The following ZSWIM5 variants were observed in gnomAD, a reference collection of about 807,000 sequenced individuals.
ZSWIM5 encodes the protein zinc finger SWIM-type containing 5.
Under a neutral mutation model 119.6 loss-of-function variants are expected in ZSWIM5, and 55 were observed. That is an observed-to-expected ratio of 0.46 (90% CI 0.37 to 0.58). The LOEUF is 0.58. Among genes scored for constraint, ZSWIM5 ranks in the 20% least tolerant of loss-of-function variants. ZSWIM5 has a pLI of 0.00. For synonymous variants in ZSWIM5, 537 were observed against 606.9 expected (o/e 0.88, Z 1.69); for missense variants, 1,193 against 1,512.8 (o/e 0.79, Z 3.51).
intron 5 of ZSWIM5, 36 bp from the exon 6 acceptor site, chr1:45,043,431 G>T: frequency 6.2e-7 from 1 of 1,603,928 alleles, no homozygotes. Context: ...TACAGTGACA[G>T]GCAATTTGAA....
chr1:45,147,975 T>C (rs1442530270), intron 1 of ZSWIM5, among the ~76,000 whole-genome samples: 1 of 152,030 alleles, frequency 6.6e-6, no homozygotes, highest in African/African-American at 2.4e-5. Flanking sequence ...TAAAAGATAA[T>C]GAAGGTGAAG....
intron 1 of ZSWIM5, among the ~76,000 whole-genome samples, chr1:45,133,575 A>C (rs1177256387): frequency 6.6e-6 from 1 of 152,092 alleles, no homozygotes; most frequent in Non-Finnish European, 1.5e-5. Context: ...GTTCACTCTG[A>C]TGGTAGTTTC....
intron 2 of ZSWIM5, among the ~76,000 whole-genome samples, chr1:45,067,782 T>C (rs563422541): frequency 2.6e-5 from 4 of 152,338 alleles, no homozygotes; most frequent in African/African-American, 9.6e-5. Context: ...AAAATGCCCT[T>C]ATATGTTCAC....
rs531034237 is a variant in ZSWIM5 at position 45,062,732 on chromosome 1, C to T, written c.953-2485G>A. On this transcript the variant is annotated intron_variant, in intron 2 of 13. Transcript: ENST00000359600. Reference sequence around the variant, plus strand: ...ATATTGCCCAGGCTGGTCTCGAACTCCTGGGCTCAAGAGATCCTCCCACCT... The same window carrying T: ...ATATTGCCCAGGCTGGTCTCGAACTTCTGGGCTCAAGAGATCCTCCCACCT... 5.9e-5 allele frequency among the ~76,000 whole-genome samples: 9 copies of T among 152,208 alleles called. No homozygotes were observed. The South Asian group carries it at 1.7e-3, about 28-fold the overall frequency.
At chr1:45,063,996 A>G (rs937564897) in intron 2 of ZSWIM5, among the ~76,000 whole-genome samples, 3 of 152,022 alleles carry the variant, frequency 2.0e-5, no homozygotes, top group African/African-American at 7.2e-5. Flanking sequence ...AAAAAAAAAA[A>G]GAAATCATAA....
intron 1 of ZSWIM5, among the ~76,000 whole-genome samples, chr1:45,093,110 C>T (rs1645377933): frequency 6.6e-6 from 1 of 152,178 alleles, no homozygotes; most frequent in African/African-American, 2.4e-5. Context: ...GGATTCACAC[C>T]CAGGCAGTCT....
intron 1 of ZSWIM5, among the ~76,000 whole-genome samples, chr1:45,178,744 T>A (rs1645996140): frequency 6.6e-6 from 1 of 152,088 alleles, no homozygotes; most frequent in Non-Finnish European, 1.5e-5. Flanking sequence ...TCATGTGGAA[T>A]GTTTTGAGAC....
intron 1 of ZSWIM5, among the ~76,000 whole-genome samples, chr1:45,191,594 C>G (rs1646093624): frequency 6.6e-6 from 1 of 152,200 alleles, no homozygotes; most frequent in Non-Finnish European, 1.5e-5. Flanking sequence ...ATCAATTCGA[C>G]TTCTCTGCCC....
At chr1:45,083,698 G>A (rs1459388849) in intron 2 of ZSWIM5, among the ~76,000 whole-genome samples, 2 of 152,138 alleles carry the variant, frequency 1.3e-5, no homozygotes, top group African/African-American at 4.8e-5. Flanking sequence ...CTAAGTTATT[G>A]TATTAGTCTG....
chr1:45,203,659 T>C (rs556202443), intron 1 of ZSWIM5, among the ~76,000 whole-genome samples: 1 of 152,214 alleles, frequency 6.6e-6, no homozygotes, highest in South Asian at 2.1e-4. Flanking sequence ...GAAAGCCTAC[T>C]CTCTAGATTA....
chr1:45,129,070 C>T (rs761669236), intron 1 of ZSWIM5, among the ~76,000 whole-genome samples: 10 of 151,808 alleles, frequency 6.6e-5, no homozygotes, highest in Non-Finnish European at 1.3e-4. Flanking sequence ...TTCCTATCCA[C>T]GAACATGAAA....
chr1:45,082,324 TA>T (rs1206680164), intron 2 of ZSWIM5, among the ~76,000 whole-genome samples: 124 of 118,348 alleles, frequency 1.0e-3, no homozygotes, highest in Admixed American at 1.1e-3. Flanking sequence ...AATGATCAAT[TA>T]AAAAAAAAAA....
At chr1:45,111,508 A>T (rs1570110840) in intron 1 of ZSWIM5, among the ~76,000 whole-genome samples, 1 of 152,060 alleles carries the variant, frequency 6.6e-6, no homozygotes, top group East Asian at 1.9e-4. Context: ...CAAATGTATT[A>T]TTTTACAGTT....
intron 1 of ZSWIM5, among the ~76,000 whole-genome samples, chr1:45,138,645 A>C (rs966653395): frequency 6.6e-6 from 1 of 152,108 alleles, no homozygotes; most frequent in Non-Finnish European, 1.5e-5. Flanking sequence ...TACAGGCTTC[A>C]TTATACAGGC....
intron 1 of ZSWIM5, among the ~76,000 whole-genome samples, chr1:45,149,120 T>A (rs79938183): frequency 2.6e-5 from 4 of 151,860 alleles, no homozygotes; most frequent in Non-Finnish European, 5.9e-5. Context: ...TTTTTTTTTT[T>A]AATTAGCAGG....
rs1420663048 is a variant in ZSWIM5, at chr1:45,095,946, A to G, written c.596-7709T>C. On this transcript the variant is annotated intron_variant, in intron 1 of 13. Coordinates refer to ENST00000359600, the MANE Select transcript of ZSWIM5 (RefSeq NM_020883.2). The stretch of plus-strand genomic sequence containing the variant: ...CCTGGAACCTGGTAGGCTCTTAACA[A>G]AAACAGTAACAGAAACAACCACCAC... Among the ~76,000 whole-genome samples the G allele has an allele frequency of 3.9e-5, 6 of 152,224 alleles. 1 individual carries two copies. Among genetic ancestry groups the G allele is most frequent in the Non-Finnish European group, 4.4e-5 (3 of 68,040 alleles).
chr1:45,104,770 T>C (rs1439197937), intron 1 of ZSWIM5, among the ~76,000 whole-genome samples: 1 of 152,192 alleles, frequency 6.6e-6, no homozygotes, highest in African/African-American at 2.4e-5. Flanking sequence ...CAGACTCCTC[T>C]GGCAAATCAA....
intron 1 of ZSWIM5, among the ~76,000 whole-genome samples, chr1:45,097,011 C>G (rs1645407358): frequency 6.6e-6 from 1 of 152,216 alleles, no homozygotes; most frequent in African/African-American, 2.4e-5. Flanking sequence ...AGGCTCCTAA[C>G]AACCAAGTAC....
chr1:45,095,725 G>A (rs1645397506), intron 1 of ZSWIM5, among the ~76,000 whole-genome samples: 1 of 152,102 alleles, frequency 6.6e-6, no homozygotes, highest in South Asian at 2.1e-4. Context: ...TTTTTGACCT[G>A]ATCTCTCCCT....
Sources: allele counts gnomAD v4.1 joint callset (sites outside exome capture counted in the v4.1 genomes callset), GRCh38; gene constraint gnomAD v4.1.1; transcripts MANE v1.5; gene names NCBI Gene and HGNC (gene_info 2026-07-23, HGNC 2026-07-21).